COL17A1: variants seen among roughly 807,000 people sequenced by gnomAD.
COL17A1 encodes the protein collagen type XVII alpha 1 chain.
COL17A1 carries 181 observed loss-of-function variants against 218.4 expected under a neutral mutation model. That is an observed-to-expected ratio of 0.83 (90% CI 0.73 to 0.94). The LOEUF (loss-of-function observed/expected upper bound fraction) is 0.94. Ranked by LOEUF, COL17A1 falls within the 40% of genes least tolerant of loss-of-function variation. COL17A1 has a pLI of 0.00. For missense variants in COL17A1, 1,924 were observed against 1,945.9 expected, an observed-to-expected ratio of 0.99 and a Z score of 0.21; for synonymous variants, 721 against 731.0, an observed-to-expected ratio of 0.99 and a Z score of 0.22.
At chr10:104,043,422 G>T in intron 35 of COL17A1, 79 bp downstream of exon 35, 1 of 1,341,150 alleles carries the variant, frequency 7.5e-7, no homozygotes, top group Admixed American at 1.9e-5. Context: ...CTGGGTTTCA[G>T]GATCTGAAGA....
Position 104,082,247 on chromosome 10 carries a change from A to T in COL17A1, c.-11-1563T>A, listed in dbSNP as rs188028598. Among the ~76,000 whole-genome samples, 10 of 152,352 alleles carry T rather than the reference A, an allele frequency of 6.6e-5. No homozygotes were observed. In the East Asian group the frequency reaches 1.9e-3, roughly 29 times the overall value. On this transcript the variant is annotated intron_variant, in intron 1 of 55. Transcript: ENST00000648076. ...AGCCCAGAGGAGGGGCTTCATACAC[A>T]GTTTAACAAAGGAGTCTAGCCTCAT... is the stretch of plus-strand genomic sequence containing the variant.
intron 48 of COL17A1, 31 bp from the exon 49 acceptor site, chr10:104,035,594 G>A (rs1173175257): frequency 1.9e-6 from 3 of 1,573,076 alleles, no homozygotes; most frequent in Non-Finnish European, 2.6e-6. Context: ...GATCAGGCAG[G>A]GGGAGGCAGA....
At chr10:104,041,141 CTTA>C (rs981786500) in intron 38 of COL17A1, 23 bp from the exon 39 acceptor site, 1 of 1,608,880 alleles carries the variant, frequency 6.2e-7, no homozygotes, top group Non-Finnish European at 8.5e-7. Context: ...ACCCCCAAGA[CTTA>C]TTAGTGCCAA....
In COL17A1 at chr10:104,085,769, C is replaced by T. The variant is rs2086800512; in HGVS notation, c.-58G>A. On this transcript the variant is annotated 5_prime_UTR_variant, in exon 1 of 56. Transcript: ENST00000648076. Reference sequence around the variant, plus strand: ...ATTGGAAACAACTTTGAATAAATCCCCCTCTCTCTTTCTTCTCCTGATGTT... The same window carrying T: ...ATTGGAAACAACTTTGAATAAATCCTCCTCTCTCTTTCTTCTCCTGATGTT... The T allele has an allele frequency of 6.6e-6, 1 of 152,316 alleles. No homozygotes were observed. The highest frequency in any genetic ancestry group is 1.5e-5 in the Non-Finnish European group (1 of 67,952). 9.4% of individuals were successfully genotyped at this position (152,316 alleles called of 1,614,324 possible).
chr10:104,049,303 G>A (rs1165474377), intron 29 of COL17A1, 106 bp downstream of exon 29: 2 of 1,003,360 alleles, frequency 2.0e-6, no homozygotes, highest in African/African-American at 3.2e-5. Flanking sequence ...CCAGGAGTGG[G>A]CAGATTAGAG....
chr10:104,039,790 A>ACACG, intron 41 of COL17A1, 150 bp from the exon 42 acceptor site: 1 of 899,898 alleles, frequency 1.1e-6, no homozygotes, highest in East Asian at 3.0e-5. Context: ...ACACACACAC[A>ACACG]CACACGCACA....
intron 11 of COL17A1, 34 bp downstream of exon 11, chr10:104,063,713 C>G (rs1214860457): frequency 3.1e-6 from 5 of 1,613,790 alleles, no homozygotes; most frequent in Non-Finnish European, 4.2e-6. Context: ...ATGCAAATAG[C>G]CTGGAAAAGT....
In COL17A1 at chr10:104,031,945, A is replaced by G. The variant is rs1844689455; in HGVS notation, c.*290T>C. On this transcript the variant is annotated 3_prime_UTR_variant, in exon 56 of 56. Transcript: ENST00000648076. ...GCTTTCCTAGGCTGGGGCTTGAACT[A>G]AGTAAAGAAGCCAAGGAGTTCAGAT... is the stretch of plus-strand genomic sequence containing the variant. 1 of 499,598 alleles carries G rather than the reference A, an allele frequency of 2.0e-6. No homozygotes were observed. Among genetic ancestry groups the G allele is most frequent in the Admixed American group, 3.3e-5 (1 of 30,342 alleles). The allele number at this position is 499,598 out of a possible 1,614,324, so 30.9% of individuals were successfully genotyped here. A position where few individuals can be genotyped will look rare whatever the true frequency, so the allele number is the denominator to read the frequency against.
chr10:104,053,475 T>C (rs1479097316), intron 22 of COL17A1, among the ~76,000 whole-genome samples: 1 of 152,150 alleles, frequency 6.6e-6, no homozygotes, highest in Non-Finnish European at 1.5e-5. Flanking sequence ...TTCCCCTTCC[T>C]GATGCTCCTT....
intron 35 of COL17A1, among the ~76,000 whole-genome samples, chr10:104,042,970 T>C (rs907715397): frequency 6.6e-6 from 1 of 152,236 alleles, no homozygotes; most frequent in African/African-American, 2.4e-5. Context: ...GAGCAGGCAT[T>C]AGTGAGTGTC....
chr10:104,060,357 AAGG>A (rs1487402028), intron 13 of COL17A1, 77 bp from the exon 14 acceptor site: 85 of 1,583,348 alleles, frequency 5.4e-5, no homozygotes, highest in African/African-American at 8.1e-5. Flanking sequence ...CAAGAAGAGG[AAGG>A]AGAAGAAAGA....
chr10:104,032,572 G>A, intron 55 of COL17A1, 102 bp downstream of exon 55: 1 of 1,295,996 alleles, frequency 7.7e-7, no homozygotes, highest in Non-Finnish European at 1.1e-6. Context: ...GCATTTGCCT[G>A]AATTTCTCAG....
chr10:104,085,873 A>G lies in COL17A1; in HGVS notation c.-162T>C, dbSNP rs2086801475. On this transcript the variant is annotated 5_prime_UTR_variant, in exon 1 of 56. Coordinates refer to ENST00000648076, the MANE Select transcript of COL17A1 (RefSeq NM_000494.4). Reference sequence around the variant, plus strand: ...TGTGTTAAAGCTGAGTGATCTTTCAAAAATGTTCACTTTTCTTTCTCTCCA... The same window carrying G: ...TGTGTTAAAGCTGAGTGATCTTTCAGAAATGTTCACTTTTCTTTCTCTCCA... 6.6e-6 allele frequency: 1 copy of G among 152,602 alleles called. No homozygotes were observed. The highest frequency in any genetic ancestry group is 1.5e-5 in the Non-Finnish European group (1 of 68,038). The allele number at this position is 152,602 out of a possible 1,614,324, so 9.5% of individuals were successfully genotyped here.
At position 104,052,185 on chromosome 10, in the gene COL17A1, G is replaced by T. The variant is rs1208672325; in HGVS notation, c.1972C>A (p.Pro658Thr). 1.2e-6 allele frequency: 2 copies of T among 1,614,156 alleles called. No individual in the cohort carries two copies. Among genetic ancestry groups the T allele is most frequent in the South Asian group, 2.2e-5 (2 of 91,082 alleles). ...AAGEPGPHGPPGVPGSVGPKG... is the reference protein window; with the variant it reads ...AAGEPGPHGPTGVPGSVGPKG... The stretch of plus-strand genomic sequence containing the variant: ...GGACCCACAGAACCTGGGACACCAG[G>T]TGGGCCATGAGGACCTGGTTCACCA... Residue 658 changes from proline (P) to threonine (T), a missense_variant, in exon 24 of 56, where the codon CCT becomes ACT. Pro to Thr is a conservative substitution (Grantham distance 38). Coordinates refer to ENST00000648076, the MANE Select transcript of COL17A1 (RefSeq NM_000494.4).
rs1268925507 is a variant in COL17A1 at position 104,085,758 on chromosome 10, T to C, written c.-47A>G. 6.5e-6 allele frequency: 1 copy of C among 152,674 alleles called. No individual in the cohort carries two copies. Among genetic ancestry groups the C allele is most frequent in the African/African-American group, 2.4e-5 (1 of 41,472 alleles). The allele number at this position is 152,674 out of a possible 1,614,324, so 9.5% of individuals were successfully genotyped here. On this transcript the variant is annotated 5_prime_UTR_variant, in exon 1 of 56. Transcript: ENST00000648076. ...GTTTTGAAGGAATTGGAAACAACTT[T>C]GAATAAATCCCCCTCTCTCTTTCTT...
chr10:104,075,656 G>GTTTT (rs1465312983), intron 5 of COL17A1, among the ~76,000 whole-genome samples: 2 of 152,200 alleles, frequency 1.3e-5, no homozygotes, highest in African/African-American at 4.8e-5. Context: ...AAAACTCTCT[G>GTTTT]TGGCTTCCCA....
At chr10:104,056,514 G>A (rs1045442564) in intron 17 of COL17A1, among the ~76,000 whole-genome samples, 7 of 152,130 alleles carry the variant, frequency 4.6e-5, no homozygotes, top group East Asian at 1.9e-4. Context: ...CTCAGGAGGC[G>A]GAGGTTGCAG....
At chr10:104,042,326 A>C in intron 36 of COL17A1, 94 bp downstream of exon 36, 1 of 1,370,854 alleles carries the variant, frequency 7.3e-7, no homozygotes. Flanking sequence ...CACACCTTTC[A>C]CGTCATCTAG....
rs139355943 is a variant in COL17A1 at position 104,032,522 on chromosome 10, T to C, written c.4438+152A>G. ...TTCCTCACTGTGAATGGGATTGTTATGCAAATTCTGCTTTTGGCAGTGTCT... is the reference window on the plus strand; with the variant it reads ...TTCCTCACTGTGAATGGGATTGTTACGCAAATTCTGCTTTTGGCAGTGTCT... On this transcript the variant is annotated intron_variant, in intron 55 of 55. Transcript: ENST00000648076. 4.4e-4 allele frequency: 389 copies of C among 882,392 alleles called. 4 individuals carry two copies. In the East Asian group the frequency reaches 7.7e-3, roughly 17 times the overall value. 54.7% of individuals were successfully genotyped at this position (882,392 alleles called of 1,614,324 possible). A position where few individuals can be genotyped will look rare whatever the true frequency, so the allele number is the denominator to read the frequency against.
Sources: allele counts gnomAD v4.1 joint callset (sites outside exome capture counted in the v4.1 genomes callset), GRCh38; gene constraint gnomAD v4.1.1; transcripts MANE v1.5; gene names NCBI Gene and HGNC (gene_info 2026-07-23, HGNC 2026-07-21).